The following ATG7 variants were observed in gnomAD, a reference collection of about 807,000 sequenced individuals.
The protein encoded by ATG7 is ubiquitin-like modifier-activating enzyme ATG7.
ATG7 carries 70 observed loss-of-function variants against 82.4 expected under a neutral mutation model. The observed-to-expected ratio is 0.85, with a 90% confidence interval of 0.70 to 1.04. ATG7 has a LOEUF of 1.04. Ranked by LOEUF, ATG7 falls within the 50% of genes least tolerant of loss-of-function variation. The pLI is 0.00. For missense variants in ATG7, 792 were observed against 864.3 expected (o/e 0.92, Z 1.05); for synonymous variants, 287 against 313.0 (o/e 0.92, Z 0.88).
At chr3:11,317,284 C>G (rs184069728) in intron 9 of ATG7, among the ~76,000 whole-genome samples, 1 of 152,296 alleles carries the variant, frequency 6.6e-6, no homozygotes, top group Admixed American at 6.5e-5. Context: ...GTGAAGTCCT[C>G]TTGTCATAGC....
chr3:11,313,700 T>A (rs1949005672), intron 8 of ATG7, among the ~76,000 whole-genome samples: 1 of 152,220 alleles, frequency 6.6e-6, no homozygotes, highest in Non-Finnish European at 1.5e-5. Flanking sequence ...CTTCTCAGGC[T>A]CAGGTGATCC....
intron 20 of ATG7, among the ~76,000 whole-genome samples, chr3:11,546,088 TA>T (rs34149936): frequency 1 from 151,717 of 151,718 alleles, 75,858 homozygotes; most frequent in Middle Eastern, 1. Context: ...CAGTGAGTTA[TA>T]GATGGCACCA....
At chr3:11,380,073 G>A (rs2077766118) in intron 19 of ATG7, 21 bp downstream of exon 19, 1 of 1,609,274 alleles carries the variant, frequency 6.2e-7, no homozygotes, top group African/African-American at 1.3e-5. Context: ...TTGTATTGGA[G>A]GGACTTGTTT....
At chr3:11,391,064 T>C (rs187706343) in intron 19 of ATG7, among the ~76,000 whole-genome samples, 1 of 152,284 alleles carries the variant, frequency 6.6e-6, no homozygotes, top group Non-Finnish European at 1.5e-5. Context: ...GTGTTTTCCG[T>C]TGATCTTTTG....
intron 5 of ATG7, among the ~76,000 whole-genome samples, chr3:11,305,114 AG>A (rs1180736166): frequency 6.6e-6 from 1 of 152,242 alleles, no homozygotes; most frequent in Non-Finnish European, 1.5e-5. Flanking sequence ...AAACTAAACT[AG>A]GAAGTGTCAG....
intron 19 of ATG7, among the ~76,000 whole-genome samples, chr3:11,401,049 G>A (rs147157645): frequency 1.2e-3 from 190 of 152,302 alleles, no homozygotes; most frequent in Non-Finnish European, 2.1e-3. Flanking sequence ...CTGTTTAGAT[G>A]TAGCAGGCAT....
rs34995509 is a variant in ATG7 at position 11,451,886 on chromosome 3, GACACACAC to G, written c.2079+24968_2079+24975del. On this transcript the variant is annotated intron_variant, in intron 20 of 20. Transcript: ENST00000693202. ...GCCTTTACATACACACACACACACA[GACACACAC>G]ACACACAGACACACACACACACACA... is the stretch of plus-strand genomic sequence containing the variant. Among the ~76,000 whole-genome samples the G allele has an allele frequency of 9.6e-5, 14 of 145,466 alleles. No homozygotes were observed. In the East Asian group the frequency reaches 1.2e-3, roughly 13 times the overall value.
At chr3:11,375,130 C>T (rs1157420353) in intron 18 of ATG7, among the ~76,000 whole-genome samples, 2 of 151,718 alleles carry the variant, frequency 1.3e-5, no homozygotes, top group East Asian at 3.9e-4. Context: ...ATCGCTTGAG[C>T]CCGGGAGTTC....
chr3:11,541,049 A>G (rs1209078310), intron 20 of ATG7, among the ~76,000 whole-genome samples: 6 of 151,742 alleles, frequency 4.0e-5, no homozygotes, highest in East Asian at 1.9e-4. Context: ...ACAGGTGCCC[A>G]CCACCACACC....
chr3:11,420,393 T>C (rs2081829368), intron 19 of ATG7, among the ~76,000 whole-genome samples: 1 of 152,194 alleles, frequency 6.6e-6, no homozygotes, highest in African/African-American at 2.4e-5. Context: ...TTTTCCGTGG[T>C]CAGATATGTA....
intron 3 of ATG7, among the ~76,000 whole-genome samples, chr3:11,287,718 AAAG>A (rs1944323688): frequency 6.6e-6 from 1 of 152,272 alleles, no homozygotes; most frequent in Non-Finnish European, 1.5e-5. Context: ...ACCAGTTCAT[AAAG>A]AAGTATTTGC....
the ATG7 span, among the ~76,000 whole-genome samples, chr3:11,575,469 T>C: frequency 6.6e-6 from 1 of 152,158 alleles, no homozygotes; most frequent in African/African-American, 2.4e-5. Flanking sequence ...CTCTCTCTCC[T>C]TGAGACTGGA....
intron 20 of ATG7, among the ~76,000 whole-genome samples, chr3:11,452,962 G>A (rs945401551): frequency 2.0e-5 from 3 of 152,180 alleles, no homozygotes; most frequent in Non-Finnish European, 4.4e-5. Context: ...GCTGTAGCGA[G>A]CACAGTAGCA....
At chr3:11,477,726 T>C (rs1453698072) in intron 20 of ATG7, among the ~76,000 whole-genome samples, 1 of 152,186 alleles carries the variant, frequency 6.6e-6, no homozygotes, top group African/African-American at 2.4e-5. Flanking sequence ...GAACTACTCA[T>C]AGGATTACAG....
chr3:11,349,409 C>T lies in ATG7; in HGVS notation c.1284+1374C>T, dbSNP rs186537651. On this transcript the variant is annotated intron_variant, in intron 14 of 20. Coordinates refer to ENST00000693202, the MANE Select transcript of ATG7 (RefSeq NM_001349232.2). Reference sequence around the variant, plus strand: ...ATTAGCCAGGTGTGGTGGTGGTGTGCATCTGTAGTCCCAGCTACACTAGTG... The same window carrying T: ...ATTAGCCAGGTGTGGTGGTGGTGTGTATCTGTAGTCCCAGCTACACTAGTG... Among the ~76,000 whole-genome samples the T allele has an allele frequency of 7.9e-5, 12 of 152,164 alleles. No individual in the cohort carries two copies. In the East Asian group the frequency reaches 2.3e-3, roughly 29 times the overall value.
rs564195521 is a variant in ATG7 at position 11,494,390 on chromosome 3, G to A, written c.2080-60421G>A. Among the ~76,000 whole-genome samples the A allele has an allele frequency of 9.5e-4, 145 of 152,280 alleles. 1 individual carries two copies. The highest frequency in any genetic ancestry group is 3.5e-3 in the African/African-American group (144 of 41,544). On this transcript the variant is annotated intron_variant, in intron 20 of 20. Transcript: ENST00000693202. Reference sequence around the variant, plus strand: ...TACCATCTGGGTAGGCCTGATGGTTGGTTTTCTGAGAAGGGAACTCAGATT... The same window carrying A: ...TACCATCTGGGTAGGCCTGATGGTTAGTTTTCTGAGAAGGGAACTCAGATT...
intron 19 of ATG7, among the ~76,000 whole-genome samples, chr3:11,400,384 GAAGGAC>G (rs2079720093): frequency 6.6e-6 from 1 of 152,020 alleles, no homozygotes; most frequent in Admixed American, 6.5e-5. Context: ...AATGAGCAGA[GAAGGAC>G]TAGCTTGAAG....
At chr3:11,497,738 C>T (rs1261558764) in intron 20 of ATG7, among the ~76,000 whole-genome samples, 2 of 151,750 alleles carry the variant, frequency 1.3e-5, no homozygotes, top group African/African-American at 2.4e-5. Flanking sequence ...CTTTGGTACA[C>T]GAGGCTGGTT....
chr3:11,387,795 A>G (rs1311383478), intron 19 of ATG7, among the ~76,000 whole-genome samples: 1 of 151,868 alleles, frequency 6.6e-6, no homozygotes, highest in Non-Finnish European at 1.5e-5. Context: ...ACGGTGAAAC[A>G]CTGTCTCTAC....
Sources: gnomAD v4.1 joint callset for allele counts (sites outside exome capture counted in the v4.1 genomes callset) on GRCh38, gnomAD v4.1.1 for gene constraint, MANE v1.5 for transcripts, NCBI Gene and HGNC (gene_info 2026-07-23, HGNC 2026-07-21) for gene names.